Variants in ARL15 observed in about 807,000 individuals in gnomAD.
The protein encoded by ARL15 is ADP-ribosylation factor-like protein 15.
In ARL15, 19 loss-of-function variants were observed where a neutral mutation model predicts 25.2. The observed-to-expected ratio is 0.75, with a 90% CI of 0.53 to 1.10. The LOEUF (loss-of-function observed/expected upper bound fraction) is 1.10. Among genes scored for constraint, ARL15 ranks in the 50% least tolerant of loss-of-function variants. The probability of loss-of-function intolerance (pLI) is 0.00; values close to 1 mark genes in which losing one functional copy is unlikely to be tolerated. For synonymous variants in ARL15, 94 were observed against 86.8 expected (o/e 1.08, Z -0.46); for missense variants, 220 against 246.0 (o/e 0.89, Z 0.71).
At chr5:54,306,634 G>A (rs764660852) in intron 1 of ARL15, among the ~76,000 whole-genome samples, 3 of 152,070 alleles carry the variant, frequency 2.0e-5, no homozygotes, top group Non-Finnish European at 4.4e-5. Context: ...CAAGTGATCC[G>A]CCTGTCTTGC....
intron 4 of ARL15, among the ~76,000 whole-genome samples, chr5:53,982,818 C>T (rs1748168383): frequency 6.6e-6 from 1 of 152,170 alleles, no homozygotes. Flanking sequence ...TAAAGGCATT[C>T]CTATTTCTCC....
In ARL15 at chr5:54,031,097, G is replaced by A. The variant is rs1233696287; in HGVS notation, c.462+82105C>T. On this transcript the variant is annotated intron_variant, in intron 4 of 4. Transcript: ENST00000504924. ...ACAAGATAAACTCCCCCAAACCAGG[G>A]GGAGTCTAAGATCATGGTTAGAAGA... Among the ~76,000 whole-genome samples the A allele has an allele frequency of 2.0e-5, 3 of 152,092 alleles. No homozygotes were observed. The East Asian group carries it at 5.8e-4, about 29-fold the overall frequency.
intron 4 of ARL15, among the ~76,000 whole-genome samples, chr5:54,049,304 C>T (rs776880218): frequency 6.6e-6 from 1 of 151,686 alleles, no homozygotes; most frequent in Non-Finnish European, 1.5e-5. Context: ...ATGATCATAG[C>T]TCAACACAGC....
At chr5:54,299,622 G>A (rs560242584) in intron 1 of ARL15, among the ~76,000 whole-genome samples, 1 of 113,170 alleles carries the variant, frequency 8.8e-6, no homozygotes, top group East Asian at 2.7e-4. Flanking sequence ...ATGGAGTCTC[G>A]CTCTGTCGCC....
intron 4 of ARL15, among the ~76,000 whole-genome samples, chr5:54,110,025 T>C (rs1200985176): frequency 6.6e-6 from 1 of 152,000 alleles, no homozygotes; most frequent in African/African-American, 2.4e-5. Flanking sequence ...TAAACCCAGG[T>C]CATTACCAGG....
At chr5:54,138,411 T>C (rs1381388260) in intron 3 of ARL15, among the ~76,000 whole-genome samples, 2 of 152,082 alleles carry the variant, frequency 1.3e-5, no homozygotes, top group African/African-American at 4.8e-5. Flanking sequence ...CACAAAAATA[T>C]AAATTGAGAA....
intron 4 of ARL15, among the ~76,000 whole-genome samples, chr5:54,071,845 C>T (rs1358818211): frequency 2.6e-5 from 4 of 151,746 alleles, no homozygotes; most frequent in Non-Finnish European, 4.4e-5. Flanking sequence ...TGGTGCTGGG[C>T]GCCTGTAGTC....
chr5:53,957,121 C>A (rs1468078156), intron 4 of ARL15, among the ~76,000 whole-genome samples: 2 of 151,920 alleles, frequency 1.3e-5, no homozygotes, highest in Non-Finnish European at 2.9e-5. Context: ...CAACAAGAAT[C>A]AATGCAAAGA....
intron 3 of ARL15, among the ~76,000 whole-genome samples, chr5:54,128,637 C>T (rs1216705452): frequency 5.3e-5 from 8 of 151,898 alleles, no homozygotes; most frequent in Admixed American, 2.6e-4. Context: ...ACATTTATGA[C>T]ACTATGTCAT....
At chr5:53,938,590 C>T (rs191861470) in intron 4 of ARL15, among the ~76,000 whole-genome samples, 28 of 152,306 alleles carry the variant, frequency 1.8e-4, no homozygotes, top group African/African-American at 6.3e-4. Context: ...ACTTGGGAGA[C>T]CAAGACAGGC....
chr5:54,029,306 TACCACC>T (rs1168500786), intron 4 of ARL15, among the ~76,000 whole-genome samples: 1,721 of 119,944 alleles, frequency 0.014, 62 homozygotes, highest in African/African-American at 0.05. Context: ...TAAAAACAGT[TACCACC>T]ACCACCACCA....
At chr5:53,941,911 A>G (rs1264121681) in intron 4 of ARL15, among the ~76,000 whole-genome samples, 1 of 151,950 alleles carries the variant, frequency 6.6e-6, no homozygotes, top group Non-Finnish European at 1.5e-5. Context: ...GGGTCAGGAG[A>G]GCTATTTATT....
Position 53,926,654 on chromosome 5 carries a change from C to CA in ARL15, c.463-39942dup, listed in dbSNP as rs571493940. ...CTTCTTCAGATTGTTCTACGCCAAT[C>CA]AAAAAAACCATTCAGCTGAAACTGA... On this transcript the variant is annotated intron_variant, in intron 4 of 4. Coordinates refer to ENST00000504924, the MANE Select transcript of ARL15 (RefSeq NM_019087.3). Among the ~76,000 whole-genome samples, 174 of 152,084 alleles carry CA rather than the reference C, an allele frequency of 1.1e-3. 1 individual carries two copies. The highest frequency in any genetic ancestry group is 3.8e-3 in the African/African-American group (156 of 41,504).
chr5:53,898,985 T>C (rs568703014), intron 4 of ARL15, among the ~76,000 whole-genome samples: 2 of 152,222 alleles, frequency 1.3e-5, no homozygotes, highest in Admixed American at 1.3e-4. Context: ...GGTAGTTGTG[T>C]CTCTTCTTTC....
At chr5:53,945,103 G>A (rs187444979) in intron 4 of ARL15, among the ~76,000 whole-genome samples, 1 of 152,280 alleles carries the variant, frequency 6.6e-6, no homozygotes, top group East Asian at 1.9e-4. Context: ...AGAGAGATGT[G>A]AGTCAGCTTC....
At chr5:54,127,235 G>T (rs1246353668) in intron 3 of ARL15, among the ~76,000 whole-genome samples, 2 of 152,094 alleles carry the variant, frequency 1.3e-5, no homozygotes, top group South Asian at 2.1e-4. Context: ...TCTTAATCCA[G>T]TCTATCATTG....
chr5:53,926,754 T>C (rs1252330856), intron 4 of ARL15, among the ~76,000 whole-genome samples: 1 of 152,180 alleles, frequency 6.6e-6, no homozygotes, highest in East Asian at 1.9e-4. Context: ...CATGCTCTTC[T>C]TTCCCTCTAC....
chr5:54,247,402 T>C (rs1180139512), intron 1 of ARL15, among the ~76,000 whole-genome samples: 1 of 152,064 alleles, frequency 6.6e-6, no homozygotes, highest in Non-Finnish European at 1.5e-5. Flanking sequence ...ATAACCTTGA[T>C]GTGGGGTCGG....
chr5:54,066,362 T>A (rs767297854), intron 4 of ARL15, among the ~76,000 whole-genome samples: 1 of 152,154 alleles, frequency 6.6e-6, no homozygotes, highest in Non-Finnish European at 1.5e-5. Flanking sequence ...TCATAAAAAA[T>A]TCAATAGAGA....
Sources: gnomAD v4.1 joint callset for allele counts (sites outside exome capture counted in the v4.1 genomes callset) on GRCh38, gnomAD v4.1.1 for gene constraint, MANE v1.5 for transcripts, NCBI Gene and HGNC (gene_info 2026-07-23, HGNC 2026-07-21) for gene names.